Variants in PIGN observed in about 807,000 individuals in gnomAD.
PIGN encodes phosphatidylinositol glycan anchor biosynthesis class N, also known as GPI ethanolamine phosphate transferase 1.
Under a neutral mutation model 125.4 loss-of-function variants are expected in PIGN, and 117 were observed. The observed-to-expected ratio is 0.93, with a 90% CI of 0.80 to 1.09. The LOEUF (loss-of-function observed/expected upper bound fraction) is 1.09, where lower values mean the gene tolerates loss of function less well. Among genes scored for constraint, PIGN ranks in the 50% least tolerant of loss-of-function variants. PIGN has a pLI of 0.00. For missense variants in PIGN, 1,075 were observed against 1,094.9 expected (o/e 0.98, Z 0.26); for synonymous variants, 392 against 377.8 (o/e 1.04, Z -0.44).
chr18:62,023,735 C>A (rs1329073184), intron 23 of PIGN, among the ~76,000 whole-genome samples: 1 of 152,180 alleles, frequency 6.6e-6, no homozygotes, highest in East Asian at 1.9e-4. Flanking sequence ...ACATGGGAGA[C>A]AAGAAGGCAA....
chr18:62,042,365 C>T lies in PIGN; in HGVS notation c.*3491G>A, dbSNP rs963028340. 10 of 152,008 alleles carry T rather than the reference C, an allele frequency of 6.6e-5. No homozygotes were observed. Among genetic ancestry groups the T allele is most frequent in the African/African-American group, 2.4e-4 (10 of 41,388 alleles). The allele number at this position is 152,008 out of a possible 1,614,324, so 9.4% of individuals were successfully genotyped here. On this transcript the variant is annotated 3_prime_UTR_variant, in exon 31 of 31. Transcript: ENST00000640252. ...AAAAAAGAAACTATTTTTATTATGA[C>T]ATTTATTTGTATTACAAGGAACCAA...
chr18:62,078,008 T>C (rs893506754), intron 28 of PIGN, among the ~76,000 whole-genome samples: 4 of 152,236 alleles, frequency 2.6e-5, no homozygotes, highest in Non-Finnish European at 4.4e-5. Context: ...ATCAGTCATA[T>C]TGGACTAGGG....
intron 28 of PIGN, among the ~76,000 whole-genome samples, chr18:62,079,574 A>G (rs1482232915): frequency 1.3e-5 from 2 of 152,226 alleles, no homozygotes; most frequent in Admixed American, 1.3e-4. Context: ...AAACAACACC[A>G]AATAACATTG....
Position 62,042,694 on chromosome 18 carries a change from C to A in PIGN, c.*3162G>T. Reference sequence around the variant, plus strand: ...AATAACAAAGCATCATAAAGAAATCCCAGTCAAAAAAAAATGCTGCTGCCT... The same window carrying A: ...AATAACAAAGCATCATAAAGAAATCACAGTCAAAAAAAAATGCTGCTGCCT... On this transcript the variant is annotated 3_prime_UTR_variant, in exon 31 of 31. Transcript: ENST00000640252. The A allele has an allele frequency of 1.3e-5, 2 of 151,018 alleles. No homozygotes were observed. The highest frequency in any genetic ancestry group is 1.5e-5 in the Non-Finnish European group (1 of 67,786). The allele number at this position is 151,018 out of a possible 1,614,324, so 9.4% of individuals were successfully genotyped here.
chr18:62,138,923 C>T, intron 13 of PIGN, 60 bp downstream of exon 13: 1 of 774,974 alleles, frequency 1.3e-6, no homozygotes, highest in Non-Finnish European at 2.1e-6. Flanking sequence ...TAAATATATT[C>T]AATATTTAAA....
intron 30 of PIGN, among the ~76,000 whole-genome samples, chr18:62,048,299 GA>G (rs1363576808): frequency 6.6e-6 from 1 of 152,290 alleles, no homozygotes; most frequent in East Asian, 1.9e-4. Context: ...AATAGTGGCT[GA>G]AAAGTTTCCA....
chr18:62,033,204 C>T (rs533472989), intron 23 of PIGN, among the ~76,000 whole-genome samples: 1 of 152,242 alleles, frequency 6.6e-6, no homozygotes, highest in South Asian at 2.1e-4. Flanking sequence ...GCACTGCATC[C>T]CCCCAAGACC....
At chr18:62,102,520 T>A (rs1288210672) in intron 21 of PIGN, among the ~76,000 whole-genome samples, 2 of 148,372 alleles carry the variant, frequency 1.3e-5, no homozygotes, top group South Asian at 4.3e-4. Flanking sequence ...TCAGTCCAGA[T>A]GAAGCCCTTT....
chr18:62,072,520 G>A (rs1348283919), intron 30 of PIGN, 153 bp downstream of exon 30: 4 of 598,944 alleles, frequency 6.7e-6, no homozygotes, highest in Admixed American at 3.0e-5. Flanking sequence ...AGGAGCAATA[G>A]GCTGTACCAT....
chr18:62,148,353 T>C lies in PIGN; in HGVS notation c.550-15A>G. 2 of 1,451,878 alleles carry C rather than the reference T, an allele frequency of 1.4e-6. No homozygotes were observed. Among genetic ancestry groups the C allele is most frequent in the Non-Finnish European group, 1.8e-6 (2 of 1,087,758 alleles). 89.9% of individuals were successfully genotyped at this position (1,451,878 alleles called of 1,614,324 possible). A position where few individuals can be genotyped will look rare whatever the true frequency, so the allele number is the denominator to read the frequency against. Reference sequence around the variant, plus strand: ...TGAAAGAAGTCCTACATATAACAAATGAGTTAAAAATATTTAGTTCATTTG... The same window carrying C: ...TGAAAGAAGTCCTACATATAACAAACGAGTTAAAAATATTTAGTTCATTTG... On this transcript the variant is annotated splice_polypyrimidine_tract_variant and intron_variant, in intron 7 of 30. Transcript: ENST00000640252.
chr18:62,076,623 G>A (rs1413491183), intron 28 of PIGN, among the ~76,000 whole-genome samples: 6 of 151,990 alleles, frequency 3.9e-5, no homozygotes, highest in Admixed American at 3.3e-4. Context: ...TTAAATCTGT[G>A]GTCCATTTTG....
intron 23 of PIGN, among the ~76,000 whole-genome samples, chr18:62,019,219 C>G (rs142564936): frequency 8.4e-4 from 128 of 152,278 alleles, no homozygotes; most frequent in Middle Eastern, 3.4e-3. Flanking sequence ...TAAACCCAGT[C>G]TCCCACGTCC....
chr18:62,150,084 C>G (rs2036473440), intron 7 of PIGN, among the ~76,000 whole-genome samples: 1 of 152,034 alleles, frequency 6.6e-6, no homozygotes, highest in Non-Finnish European at 1.5e-5. Flanking sequence ...TGGGTTCAAG[C>G]GATTCTCTTG....
At chr18:62,083,821 T>C (rs2033563305) in intron 27 of PIGN, among the ~76,000 whole-genome samples, 1 of 152,196 alleles carries the variant, frequency 6.6e-6, no homozygotes, top group Non-Finnish European at 1.5e-5. Context: ...TGTATTAGTG[T>C]AATAACAAAA....
chr18:62,152,315 T>C lies in PIGN; in HGVS notation c.549+2230A>G, dbSNP rs148806226. ...TCTTTTTTTTTTAATTTTATTATTATTATACTTTAAGTTTTAGGGTACATG... is the reference window on the plus strand; with the variant it reads ...TCTTTTTTTTTTAATTTTATTATTACTATACTTTAAGTTTTAGGGTACATG... On this transcript the variant is annotated intron_variant, in intron 7 of 30. Transcript: ENST00000640252. Among the ~76,000 whole-genome samples, 827 of 152,138 alleles carry C rather than the reference T, an allele frequency of 5.4e-3. 7 individuals carry two copies. The highest frequency in any genetic ancestry group is 0.018 in the African/African-American group (762 of 41,496).
At chr18:62,087,439 G>A (rs1300365228) in intron 25 of PIGN, among the ~76,000 whole-genome samples, 1 of 152,180 alleles carries the variant, frequency 6.6e-6, no homozygotes, top group East Asian at 1.9e-4. Flanking sequence ...CTACGTGCCA[G>A]GCATTGTTAG....
At chr18:62,064,145 T>C (rs2032368015) in intron 30 of PIGN, among the ~76,000 whole-genome samples, 1 of 152,244 alleles carries the variant, frequency 6.6e-6, no homozygotes, top group African/African-American at 2.4e-5. Flanking sequence ...CTTGGCATAA[T>C]GTTTCCTGTC....
chr18:62,120,000 C>T (rs1428922657), intron 14 of PIGN, among the ~76,000 whole-genome samples: 1 of 151,876 alleles, frequency 6.6e-6, no homozygotes, highest in Admixed American at 6.6e-5. Context: ...AATTGGAATA[C>T]CAGAGAGGGA....
intron 14 of PIGN, among the ~76,000 whole-genome samples, chr18:62,132,281 G>A (rs546356798): frequency 6.6e-6 from 1 of 152,266 alleles, no homozygotes; most frequent in East Asian, 1.9e-4. Flanking sequence ...TCAGTAAATG[G>A]TGATAACTGT....
Sources: gnomAD v4.1 joint callset for allele counts (sites outside exome capture counted in the v4.1 genomes callset) on GRCh38, gnomAD v4.1.1 for gene constraint, MANE v1.5 for transcripts, NCBI Gene and HGNC (gene_info 2026-07-23, HGNC 2026-07-21) for gene names.